Variants in PER3 observed in about 807,000 individuals in gnomAD.
PER3 encodes period circadian regulator 3, also known as period circadian protein homolog 3.
PER3 carries 107 observed loss-of-function variants against 127.2 expected under a neutral mutation model. That is an observed-to-expected ratio of 0.84 (90% confidence interval 0.72 to 0.99). The LOEUF (loss-of-function observed/expected upper bound fraction) is 0.99. Among genes scored for constraint, PER3 ranks in the 50% least tolerant of loss-of-function variants. The pLI is 0.00. For missense variants in PER3, 1,560 were observed against 1,525.8 expected (o/e 1.02, Z -0.37); for synonymous variants, 618 against 585.8 (o/e 1.05, Z -0.79).
In PER3 at chr1:7,801,151, A is replaced by C. The variant is rs1004369235; in HGVS notation, c.832A>C (p.Thr278Pro). 6.2e-7 allele frequency: 1 copy of C among 1,608,230 alleles called. No homozygotes were observed. Among genetic ancestry groups the C allele is most frequent in the African/African-American group, 1.3e-5 (1 of 74,774 alleles). ...IPVNKRIFTT[T>P]HTPGCVFLEV... ...AGTGAATAAAAGAATCTTCACCACC[A>C]CACACACCCCAGGGTGTGTTTTTCT... is the stretch of plus-strand genomic sequence containing the variant. The change falls in exon 8 of 22, where the codon ACA becomes CCA. Residue 278 changes from threonine to proline, a missense_variant. Thr to Pro is a conservative substitution (Grantham distance 38). This residue lies in a region of PER3 where 1,332 missense variants were observed against 1,223.6 expected (regional missense o/e 1.09). Transcript: ENST00000377532.
Position 7,819,497 on chromosome 1 carries a change from T to C in PER3, c.1658+77T>C, listed in dbSNP as rs184167649. 107 of 1,318,740 alleles carry C rather than the reference T, an allele frequency of 8.1e-5. No individual in the cohort carries two copies. The African/African-American group carries it at 1.5e-3, about 18-fold the overall frequency. The allele number at this position is 1,318,740 out of a possible 1,614,324, so 81.7% of individuals were successfully genotyped here. A position where few individuals can be genotyped will look rare whatever the true frequency, so the allele number is the denominator to read the frequency against. On this transcript the variant is annotated intron_variant, in intron 14 of 21. Coordinates refer to ENST00000377532, the MANE Select transcript of PER3 (RefSeq NM_001377275.1). Reference sequence around the variant, plus strand: ...CTGCCACTGTAGAGACTTCATAGAATTTTTAATAGCTGCTCTGACTTGGTT... The same window carrying C: ...CTGCCACTGTAGAGACTTCATAGAACTTTTAATAGCTGCTCTGACTTGGTT...
In PER3 at chr1:7,844,618, T is replaced by A. The variant is rs533297712; in HGVS notation, c.*1863T>A. The A allele has an allele frequency of 2.0e-5, 3 of 152,956 alleles. No homozygotes were observed. The East Asian group carries it at 5.6e-4, about 29-fold the overall frequency. The allele number at this position is 152,956 out of a possible 1,614,324, so 9.5% of individuals were successfully genotyped here. Reference sequence around the variant, plus strand: ...GGATATTTGTATTATCCAAATGTGCTTATTTCTTTGCCTTAGCACACGTTT... The same window carrying A: ...GGATATTTGTATTATCCAAATGTGCATATTTCTTTGCCTTAGCACACGTTT... On this transcript the variant is annotated 3_prime_UTR_variant, in exon 22 of 22. Coordinates refer to ENST00000377532, the MANE Select transcript of PER3 (RefSeq NM_001377275.1).
At chr1:7,837,183 T>A in intron 21 of PER3, 34 bp downstream of exon 21, 3 of 1,587,726 alleles carry the variant, frequency 1.9e-6, no homozygotes, top group Non-Finnish European at 2.6e-6. Context: ...CATATACTCA[T>A]GTATTTTGGC....
intron 19 of PER3, among the ~76,000 whole-genome samples, chr1:7,831,133 TCTC>T (rs1354899526): frequency 6.6e-6 from 1 of 152,222 alleles, no homozygotes. Flanking sequence ...CTTTAATTCT[TCTC>T]AGCAGGGTTT....
Position 7,826,483 on chromosome 1 carries a change from G to A in PER3, c.1961G>A (p.Arg654Lys), listed in dbSNP as rs1482847224. ...IVHVPPPETA[R>K]DATLFCEPWT... Reference sequence around the variant, plus strand: ...AATATGTCTTCTTCCACCTCAGCCAGGGATGCTACCCTCTTCTGTGAGCCC... The same window carrying A: ...AATATGTCTTCTTCCACCTCAGCCAAGGATGCTACCCTCTTCTGTGAGCCC... Residue 654 changes from arginine to lysine, a missense_variant, in exon 17 of 22, where the codon AGG (arginine) becomes AAG (lysine). Arg to Lys is a conservative substitution (Grantham distance 26). Transcript: ENST00000377532. The surrounding 1 kb of genome is among the most constrained non-coding windows in gnomAD (Gnocchi z 4.2). The A allele has an allele frequency of 6.3e-7, 1 of 1,595,318 alleles. No homozygotes were observed. The highest frequency in any genetic ancestry group is 1.1e-5 in the South Asian group (1 of 90,600).
chr1:7,827,775 C>T lies in PER3; in HGVS notation c.2846C>T (p.Pro949Leu). The T allele has an allele frequency of 1.2e-6, 2 of 1,613,842 alleles. No homozygotes were observed. The change falls in exon 18 of 22, where the codon CCA (proline) becomes CTA (leucine). Residue 949 changes from proline (P) to leucine (L), a missense_variant. Physicochemically the swap from Pro to Leu is moderately conservative, Grantham distance 98. Transcript: ENST00000377532. ...GAGATGCCCAGACCCTCTGAATCTC[C>T]AGATCAGATGAGAAGGAACACGTGC... ...QEEMPRPSESPDQMRRNTCPQ... is the reference protein window; with the variant it reads ...QEEMPRPSESLDQMRRNTCPQ...
Position 7,803,862 on chromosome 1 carries a change from T to C in PER3, c.1136+14T>C, listed in dbSNP as rs774863870. ...TAAAGTTCGAACGTAAGCCAGTCAGTTTTCATATTTTCTAAAACATCTCTT... is the reference window on the plus strand; with the variant it reads ...TAAAGTTCGAACGTAAGCCAGTCAGCTTTCATATTTTCTAAAACATCTCTT... On this transcript the variant is annotated intron_variant, in intron 10 of 21. Transcript: ENST00000377532. The C allele has an allele frequency of 1.9e-6, 3 of 1,601,436 alleles. No individual in the cohort carries two copies. In the South Asian group the frequency reaches 3.3e-5, roughly 18 times the overall value.
intron 5 of PER3, 102 bp downstream of exon 5, chr1:7,788,348 C>CTT: frequency 1.2e-6 from 1 of 815,766 alleles, no homozygotes; most frequent in Non-Finnish European, 2.0e-6. Flanking sequence ...AACATGCACA[C>CTT]TATCTGGTTT....
At chr1:7,790,896 C>G (rs2097116553) in intron 5 of PER3, among the ~76,000 whole-genome samples, 1 of 152,250 alleles carries the variant, frequency 6.6e-6, no homozygotes, top group Admixed American at 6.5e-5. Context: ...CTCCATGTCT[C>G]ACATCCAGGT....
intron 13 of PER3, among the ~76,000 whole-genome samples, chr1:7,818,287 T>C (rs967385437): frequency 1.3e-5 from 2 of 152,218 alleles, no homozygotes; most frequent in East Asian, 1.9e-4. Flanking sequence ...TATTGTACTA[T>C]TTTTGCAACT....
chr1:7,820,090 G>T, intron 14 of PER3, 25 bp from the exon 15 acceptor site: 1 of 1,609,890 alleles, frequency 6.2e-7, no homozygotes, highest in Admixed American at 1.7e-5. Flanking sequence ...AGGTAAGAAT[G>T]TGTGGCCTAA....
chr1:7,804,751 C>T (rs2097185789), intron 10 of PER3, among the ~76,000 whole-genome samples: 1 of 152,012 alleles, frequency 6.6e-6, no homozygotes, highest in Non-Finnish European at 1.5e-5. Flanking sequence ...CTGACACCAG[C>T]TTGTTTGCTT....
rs1042188494 is a variant in PER3 at position 7,784,777 on chromosome 1, G to A, written c.-101G>A. 4.0e-6 allele frequency: 5 copies of A among 1,247,962 alleles called. No homozygotes were observed. The highest frequency in any genetic ancestry group is 4.2e-6 in the Non-Finnish European group (4 of 962,190). The allele number at this position is 1,247,962 out of a possible 1,614,324, so 77.3% of individuals were successfully genotyped here. A position where few individuals can be genotyped will look rare whatever the true frequency, so the allele number is the denominator to read the frequency against. ...CTGTTCTCACTAACGCCATGGCGGG[G>A]ACCGGAGTGAGAAACCGGTGTCTGT... On this transcript the variant is annotated 5_prime_UTR_variant, in exon 2 of 22. Transcript: ENST00000377532.
chr1:7,842,620 CTT>C, intron 21 of PER3, 50 bp from the exon 22 acceptor site: 4 of 1,605,494 alleles, frequency 2.5e-6, no homozygotes, highest in Non-Finnish European at 3.4e-6. Context: ...TTTTAAAACT[CTT>C]TAGGTGACAT....
At chr1:7,812,681 C>T (rs1027103193) in intron 13 of PER3, among the ~76,000 whole-genome samples, 23 of 149,022 alleles carry the variant, frequency 1.5e-4, no homozygotes, top group African/African-American at 5.7e-4. Context: ...TGTGCTTATG[C>T]AGCTACTTTA....
In PER3 at chr1:7,827,186, C is replaced by G; in HGVS notation, c.2257C>G (p.Pro753Ala). The change falls in exon 18 of 22, where the codon CCG (proline) becomes GCG (alanine). Residue 753 changes from proline to alanine, a missense_variant. Pro to Ala is a conservative substitution (Grantham distance 27). Coordinates refer to ENST00000377532, the MANE Select transcript of PER3 (RefSeq NM_001377275.1). ...RKGKHKRKKL[P>A]EPPDSSSSNT... ...AGGGAAGCACAAGCGGAAGAAGCTG[C>G]CGGAGCCGCCAGACAGCAGCAGCTC... 6.2e-7 allele frequency: 1 copy of G among 1,612,974 alleles called. No homozygotes were observed. The highest frequency in any genetic ancestry group is 1.1e-5 in the South Asian group (1 of 90,962).
At chr1:7,798,745 C>A in intron 7 of PER3, 72 bp downstream of exon 7, 5 of 1,266,160 alleles carry the variant, frequency 3.9e-6, no homozygotes, top group South Asian at 3.9e-5. Context: ...TTACGTCAGT[C>A]ATAGAACAAC....
chr1:7,830,307 G>A, intron 19 of PER3, 146 bp downstream of exon 19: 1 of 687,718 alleles, frequency 1.5e-6, no homozygotes. Context: ...AGGTATATTG[G>A]GGTATATTTA....
intron 10 of PER3, among the ~76,000 whole-genome samples, chr1:7,806,834 T>TTAC (rs2097196521): frequency 2.9e-5 from 4 of 139,694 alleles, no homozygotes; most frequent in African/African-American, 1.0e-4. Context: ...TATATATATA[T>TTAC]ATTACATACA....
Sources: gnomAD v4.1 joint callset for allele counts (sites outside exome capture counted in the v4.1 genomes callset) on GRCh38, gnomAD v4.1.1 for gene constraint, gnomAD v4.1.1 regional missense constraint, Gnocchi (gnomAD v3.1) non-coding constraint, MANE v1.5 for transcripts, NCBI Gene and HGNC (gene_info 2026-07-23, HGNC 2026-07-21) for gene names.